The following SDCCAG8 variants were observed in gnomAD, a reference collection of about 807,000 sequenced individuals.
The protein encoded by SDCCAG8 is SHH signaling and ciliogenesis regulator SDCCAG8, also known as serologically defined colon cancer antigen 8.
A neutral mutation model predicts 101.8 loss-of-function variants in SDCCAG8; 74 were observed. The ratio of observed to expected loss-of-function variants is 0.73; its 90% CI spans 0.60 to 0.88. The LOEUF (loss-of-function observed/expected upper bound fraction) is 0.88, where lower values mean the gene tolerates loss of function less well. Among genes scored for constraint, SDCCAG8 ranks in the 40% least tolerant of loss-of-function variants. SDCCAG8 has a pLI of 0.00. For missense variants in SDCCAG8, 787 were observed against 822.6 expected, an observed-to-expected ratio of 0.96 and a Z score of 0.53; for synonymous variants, 281 against 292.9, an observed-to-expected ratio of 0.96 and a Z score of 0.41.
intron 4 of SDCCAG8, among the ~76,000 whole-genome samples, chr1:243,279,692 T>C (rs2068868635): frequency 6.6e-6 from 1 of 152,372 alleles, no homozygotes; most frequent in East Asian, 1.9e-4. Context: ...ATTGTTGATA[T>C]GATGGATTAC....
At chr1:243,350,170 A>G (rs1435934491) in intron 12 of SDCCAG8, among the ~76,000 whole-genome samples, 1 of 152,076 alleles carries the variant, frequency 6.6e-6, no homozygotes, top group Non-Finnish European at 1.5e-5. Context: ...GTGTAAGGAG[A>G]AGAAGGCCTG....
Position 243,256,166 on chromosome 1 carries a change from G to T in SDCCAG8, c.-8G>T. On this transcript the variant is annotated 5_prime_UTR_variant, in exon 1 of 18. Transcript: ENST00000366541. The stretch of plus-strand genomic sequence containing the variant: ...CGTAACTCCCAGCTCTGGGCCTAGA[G>T]TGCGTGCATGGCGAAGTCCCCGGAG... 1 of 1,613,766 alleles carries T rather than the reference G, an allele frequency of 6.2e-7. No homozygotes were observed. The highest frequency in any genetic ancestry group is 8.5e-7 in the Non-Finnish European group (1 of 1,179,592).
rs3926866 is a variant in SDCCAG8, at chr1:243,274,330, G to C, written c.307-213G>C. On this transcript the variant is annotated intron_variant, in intron 3 of 17. Coordinates refer to ENST00000366541, the MANE Select transcript of SDCCAG8 (RefSeq NM_006642.5). ...CCAGGCCCCACCTCCAATGCTGGGG[G>C]CCACATTTCAACTTGAGGTTTGTGG... Among the ~76,000 whole-genome samples the C allele has an allele frequency of 0.08, 12,144 of 152,222 alleles. 642 individuals carry two copies. Among genetic ancestry groups the C allele is most frequent in the Non-Finnish European group, 0.11 (7,403 of 68,024 alleles).
intron 12 of SDCCAG8, among the ~76,000 whole-genome samples, chr1:243,348,991 A>G (rs576372873): frequency 2.0e-5 from 3 of 151,654 alleles, no homozygotes; most frequent in Non-Finnish European, 4.4e-5. Flanking sequence ...TGTCTTGGAT[A>G]AAAACAAAAC....
chr1:243,281,676 G>A (rs1429472007), intron 4 of SDCCAG8, among the ~76,000 whole-genome samples: 2 of 120,174 alleles, frequency 1.7e-5, no homozygotes, highest in African/African-American at 6.0e-5. Flanking sequence ...TTTAGAGATA[G>A]AGTCTTGCCC....
chr1:243,360,247 G>A (rs1018954824), intron 12 of SDCCAG8, among the ~76,000 whole-genome samples: 9 of 147,590 alleles, frequency 6.1e-5, no homozygotes, highest in Admixed American at 2.7e-4. Context: ...CTGGGTTCAC[G>A]CCATTCTCCT....
chr1:243,442,342 C>G (rs2082595217), intron 16 of SDCCAG8, among the ~76,000 whole-genome samples: 1 of 152,064 alleles, frequency 6.6e-6, no homozygotes, highest in East Asian at 1.9e-4. Context: ...TCGGCTCTTG[C>G]CTGTGATAGT....
chr1:243,277,150 C>G (rs936625762), intron 4 of SDCCAG8, among the ~76,000 whole-genome samples: 3 of 152,204 alleles, frequency 2.0e-5, no homozygotes, highest in African/African-American at 7.2e-5. Context: ...GTTTTTACCT[C>G]TTTAAAGTAA....
intron 4 of SDCCAG8, among the ~76,000 whole-genome samples, chr1:243,275,867 T>G (rs1342024781): frequency 2.2e-5 from 3 of 135,448 alleles, no homozygotes; most frequent in Non-Finnish European, 4.7e-5. Flanking sequence ...TTTTTTTTTT[T>G]TTTTTTTTTT....
rs1572854386 is a variant in SDCCAG8, at chr1:243,267,487, A to C, written c.68-2618A>C. On this transcript the variant is annotated intron_variant, in intron 1 of 17. Transcript: ENST00000366541. ...CGTGGTGACAGGTACCTGTAATCCC[A>C]GCTATTGGGGAGGCTGAGGCAGGAG... 4 of 357,794 alleles carry C rather than the reference A, an allele frequency of 1.1e-5. No homozygotes were observed. In the East Asian group the frequency reaches 2.9e-4, roughly 26 times the overall value. The allele number at this position is 357,794 out of a possible 1,614,324, so 22.2% of individuals were successfully genotyped here. A position where few individuals can be genotyped will look rare whatever the true frequency, so the allele number is the denominator to read the frequency against.
intron 12 of SDCCAG8, among the ~76,000 whole-genome samples, chr1:243,356,716 G>A (rs1029256987): frequency 6.6e-5 from 10 of 152,040 alleles, no homozygotes; most frequent in African/African-American, 2.4e-4. Context: ...TAGACATGGT[G>A]GCTTACTCCC....
chr1:243,276,353 T>C (rs932881168), intron 4 of SDCCAG8, among the ~76,000 whole-genome samples: 1 of 152,184 alleles, frequency 6.6e-6, no homozygotes, highest in Admixed American at 6.5e-5. Flanking sequence ...ACTGGTAAAA[T>C]GGAAGATTAC....
In SDCCAG8 at chr1:243,467,783, G is replaced by A. The variant is rs963671933; in HGVS notation, c.1986-21231G>A. Among the ~76,000 whole-genome samples, 3 of 152,100 alleles carry A rather than the reference G, an allele frequency of 2.0e-5. 1 individual carries two copies. The highest frequency in any genetic ancestry group is 1.9e-4 in the East Asian group (1 of 5,198). On this transcript the variant is annotated intron_variant, in intron 16 of 17. Coordinates refer to ENST00000366541, the MANE Select transcript of SDCCAG8 (RefSeq NM_006642.5). ...GTATTTGTGTGTGAAGCATTGAAAC[G>A]CATGTCACGTCCTGCCATCTTATAA...
At chr1:243,470,542 G>A (rs1351464521) in intron 16 of SDCCAG8, among the ~76,000 whole-genome samples, 1 of 149,954 alleles carries the variant, frequency 6.7e-6, no homozygotes, top group Middle Eastern at 3.2e-3. Flanking sequence ...CAAGGAAGCA[G>A]CCCGTGCACT....
intron 12 of SDCCAG8, among the ~76,000 whole-genome samples, chr1:243,365,739 A>T (rs2076957683): frequency 6.6e-6 from 1 of 152,140 alleles, no homozygotes; most frequent in Non-Finnish European, 1.5e-5. Flanking sequence ...CAGACTAATT[A>T]TCCAGCTTTC....
At chr1:243,346,929 A>C (rs2075748229) in intron 12 of SDCCAG8, among the ~76,000 whole-genome samples, 1 of 152,166 alleles carries the variant, frequency 6.6e-6, no homozygotes, top group African/African-American at 2.4e-5. Flanking sequence ...GAATATTGTA[A>C]TGAGTCCTCA....
At chr1:243,392,807 C>T (rs373038041) in intron 13 of SDCCAG8, among the ~76,000 whole-genome samples, 5 of 152,190 alleles carry the variant, frequency 3.3e-5, no homozygotes, top group East Asian at 3.9e-4. Context: ...GACTATGTTG[C>T]TGTGATTCAG....
At chr1:243,297,903 TTTGC>T (rs2071091395) in intron 6 of SDCCAG8, among the ~76,000 whole-genome samples, 1 of 152,164 alleles carries the variant, frequency 6.6e-6, no homozygotes, top group Non-Finnish European at 1.5e-5. Context: ...CTCTTGATAG[TTTGC>T]TTGCTTGCTT....
At chr1:243,436,319 C>A (rs147589125) in intron 16 of SDCCAG8, among the ~76,000 whole-genome samples, 157 of 152,120 alleles carry the variant, frequency 1.0e-3, no homozygotes, top group African/African-American at 3.6e-3. Flanking sequence ...TACCTGTGGT[C>A]ACCTAGATGT....
Sources: gnomAD v4.1 joint callset for allele counts (sites outside exome capture counted in the v4.1 genomes callset) on GRCh38, gnomAD v4.1.1 for gene constraint, MANE v1.5 for transcripts, NCBI Gene and HGNC (gene_info 2026-07-23, HGNC 2026-07-21) for gene names.